The following SPSB3 variants were observed in gnomAD, a reference collection of about 807,000 sequenced individuals.
SPSB3 encodes splA/ryanodine receptor domain and SOCS box containing 3.
Under a neutral mutation model 29.5 loss-of-function variants are expected in SPSB3, and 18 were observed. The observed-to-expected ratio is 0.61, with a 90% CI of 0.42 to 0.91. The LOEUF is 0.91. SPSB3 is among the 40% of genes least tolerant of loss of function. SPSB3 has a pLI of 0.00. For missense variants in SPSB3, 540 were observed against 507.5 expected, an observed-to-expected ratio of 1.06 and a Z score of -0.61; for synonymous variants, 299 against 214.1, an observed-to-expected ratio of 1.40 and a Z score of -3.46.
chr16:1,781,206 T>A, intron 2 of SPSB3, 152 bp downstream of exon 2: 1 of 1,564,166 alleles, frequency 6.4e-7, no homozygotes, highest in Non-Finnish European at 8.6e-7. Context: ...ATGCGGTGCA[T>A]CCAGGAGACA....
Position 1,777,006 on chromosome 16 carries a change from T to C in SPSB3, c.*91A>G, listed in dbSNP as rs540978696. ...GGACGGGCCTCATCCAACTCCGCCC[T>C]GGAGTGTGGCTGGAAGGAAGGGACA... On this transcript the variant is annotated 3_prime_UTR_variant, in exon 7 of 7. Transcript: ENST00000566339. The C allele has an allele frequency of 1.0e-4, 152 of 1,455,892 alleles. No individual in the cohort carries two copies. Among genetic ancestry groups the C allele is most frequent in the Middle Eastern group, 1.8e-4 (1 of 5,558 alleles). The allele number at this position is 1,455,892 out of a possible 1,614,324, so 90.2% of individuals were successfully genotyped here.
chr16:1,779,853 G>C (rs1896655764), intron 2 of SPSB3: 2 of 152,014 alleles, frequency 1.3e-5, no homozygotes, highest in Non-Finnish European at 2.9e-5. Flanking sequence ...TCAGGCATGT[G>C]ACCTGCAGGA....
At chr16:1,780,870 C>G (rs1896683077) in intron 2 of SPSB3, 11 of 328,344 alleles carry the variant, frequency 3.4e-5, no homozygotes, top group South Asian at 2.7e-4. Flanking sequence ...GTCGTTGGGA[C>G]TACAGGCACG....
chr16:1,777,237 G>A lies in SPSB3; in HGVS notation c.928C>T (p.His310Tyr), dbSNP rs369856278. 3 of 1,610,792 alleles carry A rather than the reference G, an allele frequency of 1.9e-6. No individual in the cohort carries two copies. Among genetic ancestry groups the A allele is most frequent in the Non-Finnish European group, 2.5e-6 (3 of 1,179,842 alleles). ...PLPPGLKQVL[H>Y]NKLGWVLSMS... ...CTCAGGACCCAGCCCAGCTTGTTGT[G>A]TAGCACCTGCTTGAGGCCCGGCGGC... Residue 310 changes from histidine to tyrosine, a missense_variant, in exon 7 of 7, where the codon CAC (histidine) becomes TAC (tyrosine). By Grantham distance (83) the His-to-Tyr change is moderately conservative. Transcript: ENST00000566339.
At position 1,776,844 on chromosome 16, in the gene SPSB3, G is replaced by T. The variant is rs1040650883; in HGVS notation, c.*253C>A. ...GGAACAGCAACGCGGGCTCCAGCCA[G>T]GCTCTCGTCCTCGCAGCCTCCCACA... On this transcript the variant is annotated 3_prime_UTR_variant, in exon 7 of 7. Coordinates refer to ENST00000566339, the MANE Select transcript of SPSB3 (RefSeq NM_080861.4). The T allele has an allele frequency of 3.7e-6, 2 of 541,092 alleles. No homozygotes were observed. Among genetic ancestry groups the T allele is most frequent in the South Asian group, 2.6e-5 (1 of 38,860 alleles). 33.5% of individuals were successfully genotyped at this position (541,092 alleles called of 1,614,324 possible).
rs1327769876 is a variant in SPSB3, at chr16:1,778,447, C to G, written c.292G>C (p.Glu98Gln). The change falls in exon 3 of 7, where the codon GAG (glutamate) becomes CAG (glutamine). Residue 98 changes from glutamate to glutamine, a missense_variant. Physicochemically the swap from Glu to Gln is conservative, Grantham distance 29. Transcript: ENST00000566339. ...GCCCCACGCTCACACTCGTCTTCCTCTCCGCAGCGGCAGTCCCTGCCCCGG... is the reference window on the plus strand; with the variant it reads ...GCCCCACGCTCACACTCGTCTTCCTGTCCGCAGCGGCAGTCCCTGCCCCGG... ...AHRGRDCRCG[E>Q]EDEYFDWVWD... The G allele has an allele frequency of 6.2e-7, 1 of 1,609,828 alleles. No homozygotes were observed. The highest frequency in any genetic ancestry group is 8.5e-7 in the Non-Finnish European group (1 of 1,178,458).
intron 4 of SPSB3, 43 bp from the exon 5 acceptor site, chr16:1,778,091 G>A (rs751359894): frequency 2.5e-5 from 40 of 1,612,896 alleles, no homozygotes; most frequent in Middle Eastern, 1.6e-4. Context: ...CTGGGCTGCC[G>A]GAGCCAGGTT....
Position 1,777,045 on chromosome 16 carries a change from C to CA in SPSB3, c.*51dup. On this transcript the variant is annotated 3_prime_UTR_variant, in exon 7 of 7. Transcript: ENST00000566339. The stretch of plus-strand genomic sequence containing the variant: ...AAGGAAGGGACAGAGAAAGAAGGGA[C>CA]AGAGGAAAGGGGCTGTCCCAGCCCA... 6.4e-7 allele frequency: 1 copy of CA among 1,568,694 alleles called. No homozygotes were observed. Among genetic ancestry groups the CA allele is most frequent in the East Asian group, 2.2e-5 (1 of 44,492 alleles).
chr16:1,777,946 C>T lies in SPSB3; in HGVS notation c.595G>A (p.Gly199Ser). 1.2e-6 allele frequency: 2 copies of T among 1,612,656 alleles called. No homozygotes were observed. Among genetic ancestry groups the T allele is most frequent in the East Asian group, 2.2e-5 (1 of 44,856 alleles). The change falls in exon 5 of 7, where the codon GGC (glycine) becomes AGC (serine). Residue 199 changes from glycine (G) to serine (S), a missense_variant and splice_region_variant. Gly to Ser is a moderately conservative substitution (Grantham distance 56, BLOSUM62 0). Transcript: ENST00000566339. The part of the protein sequence containing the change: ...DEDSWGLSYT[G>S]LLHHKGDKTS... ...CCGCCCCACCCTGGGCCTCACGCAC[C>T]CGTGTAGGAGAGGCCCCAGCTGTCC...
In SPSB3 at chr16:1,778,148, A is replaced by G; in HGVS notation, c.478T>C (p.Tyr160His). 6.2e-7 allele frequency: 1 copy of G among 1,612,738 alleles called. No individual in the cohort carries two copies. The highest frequency in any genetic ancestry group is 8.5e-7 in the Non-Finnish European group (1 of 1,179,674). Residue 160 changes from tyrosine to histidine, a missense_variant, in exon 4 of 7, where the codon TAC (tyrosine) becomes CAC (histidine). Transcript: ENST00000566339. The stretch of plus-strand genomic sequence containing the variant: ...AAGCAACTTACCATGTCGGTGCCGT[A>G]GACGGGAGAGGTCATCTTGATCTCC... Reference protein sequence around the residue: ...FWEIKMTSPVYGTDMMVGIGT... With the variant: ...FWEIKMTSPVHGTDMMVGIGT...
chr16:1,779,630 C>T (rs1896646740), intron 2 of SPSB3: 1 of 152,320 alleles, frequency 6.6e-6, no homozygotes, highest in Admixed American at 6.5e-5. Flanking sequence ...AGGGTAGACC[C>T]CCTGAGTCAG....
chr16:1,778,467 C>T lies in SPSB3; in HGVS notation c.272G>A (p.Gly91Asp). The change falls in exon 3 of 7, where the codon GGC becomes GAC. Residue 91 changes from glycine (G) to aspartate (D), a missense_variant. Physicochemically the swap from Gly to Asp is moderately conservative, Grantham distance 94. Transcript: ENST00000566339. Reference protein sequence around the residue: ...FCSSLHSAHRGRDCRCGEEDE... With the variant: ...FCSSLHSAHRDRDCRCGEEDE... ...TTCCTCTCCGCAGCGGCAGTCCCTG[C>T]CCCGGTGGGCCGAGTGCAGGCTGCT... 1 of 1,611,272 alleles carries T rather than the reference C, an allele frequency of 6.2e-7. No homozygotes were observed. Among genetic ancestry groups the T allele is most frequent in the Non-Finnish European group, 8.5e-7 (1 of 1,179,234 alleles).
intron 2 of SPSB3, chr16:1,781,040 G>T: frequency 2.7e-6 from 2 of 730,826 alleles, no homozygotes; most frequent in Non-Finnish European, 2.0e-6. Context: ...GCCCCGTAGT[G>T]GAGAATTTCT....
intron 6 of SPSB3, 119 bp downstream of exon 6, chr16:1,777,628 G>T: frequency 6.7e-7 from 1 of 1,503,662 alleles, no homozygotes; most frequent in Non-Finnish European, 8.9e-7. Flanking sequence ...GGACCCTGGG[G>T]CCTCAGGCTT....
chr16:1,780,387 GCC>G, intron 2 of SPSB3: 1 of 152,332 alleles, frequency 6.6e-6, no homozygotes, highest in East Asian at 1.9e-4. Flanking sequence ...GCCTCACTGC[GCC>G]CGTCAGGCCA....
Position 1,778,426 on chromosome 16 carries a change from C to G in SPSB3, c.304+9G>C, listed in dbSNP as rs546828797. 1.2e-6 allele frequency: 2 copies of G among 1,607,030 alleles called. No individual in the cohort carries two copies. The highest frequency in any genetic ancestry group is 2.7e-5 in the African/African-American group (2 of 74,970). ...TGCAGTCCCAGCAGGGGCTGGGCCC[C>G]ACGCTCACACTCGTCTTCCTCTCCG... On this transcript the variant is annotated intron_variant, in intron 3 of 6. Transcript: ENST00000566339.
chr16:1,777,514 C>T (rs2042732223), intron 6 of SPSB3, 71 bp from the exon 7 acceptor site: 3 of 1,420,932 alleles, frequency 2.1e-6, no homozygotes, highest in Non-Finnish European at 2.8e-6. Context: ...CCCCTCAGAC[C>T]TCACGCTACA....
rs768897905 is a variant in SPSB3 at position 1,777,821 on chromosome 16, T to C, written c.647A>G (p.Gln216Arg). The change falls in exon 6 of 7, where the codon CAG (glutamine) becomes CGG (arginine). Residue 216 changes from glutamine to arginine, a missense_variant. Gln to Arg is a conservative substitution (Grantham distance 43, BLOSUM62 1). Coordinates refer to ENST00000566339, the MANE Select transcript of SPSB3 (RefSeq NM_080861.4). ...DKTSFSSRFGQGSIIGVHLDT... is the reference protein window; with the variant it reads ...DKTSFSSRFGRGSIIGVHLDT... ...CAGGTGCACGCCAATGATGGAGCCC[T>C]GGCCGAACCGCGATGAGAAGCTGGT... 1.2e-6 allele frequency: 2 copies of C among 1,612,900 alleles called. No individual in the cohort carries two copies. Among genetic ancestry groups the C allele is most frequent in the Non-Finnish European group, 1.7e-6 (2 of 1,179,896 alleles).
intron 2 of SPSB3, chr16:1,780,726 G>T (rs911312351): frequency 4.9e-5 from 8 of 164,246 alleles, no homozygotes; most frequent in East Asian, 1.8e-4. Context: ...GTAAACCAAA[G>T]AATTTTTTTG....
Sources: gnomAD v4.1 joint callset for allele counts on GRCh38, gnomAD v4.1.1 for gene constraint, MANE v1.5 for transcripts, NCBI Gene and HGNC (gene_info 2026-07-23, HGNC 2026-07-21) for gene names.